The following STIL variants were observed in gnomAD, a reference collection of about 807,000 sequenced individuals.
STIL encodes STIL centriolar assembly protein, also known as SCL-interrupting locus protein.
Under a neutral mutation model 110.1 loss-of-function variants are expected in STIL, and 55 were observed. The observed-to-expected ratio is 0.50, with a 90% confidence interval of 0.40 to 0.63. The LOEUF is 0.63. Ranked by LOEUF, STIL falls within the 20% of genes least tolerant of loss-of-function variation. STIL has a pLI of 0.00. For synonymous variants in STIL, 481 were observed against 530.0 expected (o/e 0.91, Z 1.27); for missense variants, 1,358 against 1,530.0 (o/e 0.89, Z 1.87).
intron 11 of STIL, 129 bp downstream of exon 11, chr1:47,282,216 A>C: frequency 6.0e-6 from 4 of 669,246 alleles, no homozygotes; most frequent in Non-Finnish European, 5.4e-6. Context: ...ATATAACCAT[A>C]GAGATAGAAA....
At chr1:47,262,837 G>T in intron 15 of STIL, 66 bp downstream of exon 15, 1 of 1,471,606 alleles carries the variant, frequency 6.8e-7, no homozygotes, top group Non-Finnish European at 9.5e-7. Flanking sequence ...CCTAGGAAAA[G>T]CTTAACTAGT....
chr1:47,282,277 G>T, intron 11 of STIL, 68 bp downstream of exon 11: 1 of 925,368 alleles, frequency 1.1e-6, no homozygotes, highest in Non-Finnish European at 1.8e-6. Context: ...GTATTATTTA[G>T]TGTTTTAACC....
intron 12 of STIL, among the ~76,000 whole-genome samples, chr1:47,278,851 A>C (rs189188356): frequency 4.9e-4 from 75 of 152,206 alleles, no homozygotes; most frequent in Non-Finnish European, 8.5e-4. Context: ...AATTTCAAAG[A>C]ATTTACCTAG....
intron 7 of STIL, among the ~76,000 whole-genome samples, chr1:47,294,749 G>C (rs1645593824): frequency 6.6e-6 from 1 of 152,148 alleles, no homozygotes; most frequent in Admixed American, 6.5e-5. Flanking sequence ...ACTCTAAAGA[G>C]AAGGCCATTA....
At chr1:47,276,741 C>T (rs1032969855) in intron 12 of STIL, among the ~76,000 whole-genome samples, 1 of 135,868 alleles carries the variant, frequency 7.4e-6, no homozygotes, top group African/African-American at 2.8e-5. Context: ...CCCCGGGGGG[C>T]AGATAGAGGT....
chr1:47,271,196 AT>A (rs1644825644), intron 13 of STIL, among the ~76,000 whole-genome samples: 2 of 152,120 alleles, frequency 1.3e-5, no homozygotes, highest in Admixed American at 1.3e-4. Flanking sequence ...ACCCTAAATC[AT>A]CTTTTGTACC....
chr1:47,251,833 T>C lies in STIL; in HGVS notation c.3170A>G (p.Asn1057Ser), dbSNP rs143956189. The C allele has an allele frequency of 1.4e-4, 228 of 1,609,228 alleles. No homozygotes were observed. The East Asian group carries it at 2.4e-3, about 17-fold the overall frequency. Reference sequence around the variant, plus strand: ...TGCCTCCATGCTCAAATCCACACCATTGGGGCTTAAGCCGCTCATGCCAAC... The same window carrying C: ...TGCCTCCATGCTCAAATCCACACCACTGGGGCTTAAGCCGCTCATGCCAAC... ...ANVGMSGLSP[N>S]GVDLSMEANA... The change falls in exon 17 of 17, where the codon AAT (asparagine) becomes AGT (serine). Residue 1057 changes from asparagine to serine, a missense_variant. Coordinates refer to ENST00000371877, the MANE Select transcript of STIL (RefSeq NM_001048166.1).
chr1:47,297,718 G>T (rs1408381122), intron 6 of STIL, among the ~76,000 whole-genome samples: 1 of 152,000 alleles, frequency 6.6e-6, no homozygotes, highest in Admixed American at 6.6e-5. Context: ...CTCCCAAGCA[G>T]CTGGGATTAC....
rs146214531 is a variant in STIL at position 47,287,489 on chromosome 1, C to A, written c.1133+62G>T. 6.4e-6 allele frequency: 7 copies of A among 1,097,400 alleles called. No homozygotes were observed. The Admixed American group carries it at 1.4e-4, about 22-fold the overall frequency. The allele number at this position is 1,097,400 out of a possible 1,614,324, so 68.0% of individuals were successfully genotyped here. A position where few individuals can be genotyped will look rare whatever the true frequency, so the allele number is the denominator to read the frequency against. ...AGAAATAATTTAGTTATTTTACTCA[C>A]CAAAAACTAATAAATATAATTTTTA... On this transcript the variant is annotated intron_variant, in intron 10 of 16. Transcript: ENST00000371877.
At chr1:47,281,753 T>C (rs955797180) in intron 11 of STIL, among the ~76,000 whole-genome samples, 13 of 152,302 alleles carry the variant, frequency 8.5e-5, no homozygotes, top group Middle Eastern at 3.4e-3. Flanking sequence ...TGTGATGAAT[T>C]TGGTTATAAT....
intron 7 of STIL, among the ~76,000 whole-genome samples, chr1:47,294,423 T>C (rs1485542819): frequency 2.0e-5 from 3 of 152,260 alleles, no homozygotes; most frequent in Non-Finnish European, 2.9e-5. Context: ...TGAATGAATA[T>C]AAATTTCTAA....
rs1045195933 is a variant in STIL, at chr1:47,300,162, C to T, written c.454-10G>A. 3.7e-6 allele frequency: 6 copies of T among 1,611,066 alleles called. No homozygotes were observed. Among genetic ancestry groups the T allele is most frequent in the East Asian group, 2.2e-5 (1 of 44,804 alleles). Reference sequence around the variant, plus strand: ...TATGGCACTGTAGAGCCTGAGAAATCAATATTAAATAATTATTTTAAAACT... The same window carrying T: ...TATGGCACTGTAGAGCCTGAGAAATTAATATTAAATAATTATTTTAAAACT... On this transcript the variant is annotated splice_polypyrimidine_tract_variant and intron_variant, in intron 5 of 16. Transcript: ENST00000371877.
intron 13 of STIL, among the ~76,000 whole-genome samples, chr1:47,270,245 TATATATATATACAC>T (rs1644788035): frequency 1.2e-5 from 1 of 85,646 alleles, no homozygotes; most frequent in African/African-American, 5.1e-5. Flanking sequence ...AAAAAAAATA[TATATATATATACAC>T]ACACACACAC....
At chr1:47,313,445 C>T (rs1410803610) in intron 1 of STIL, among the ~76,000 whole-genome samples, 1 of 152,080 alleles carries the variant, frequency 6.6e-6, no homozygotes, top group Non-Finnish European at 1.5e-5. Context: ...CCCATCCACT[C>T]ATCCTACATT....
At chr1:47,271,953 AC>A (rs1477784773) in intron 13 of STIL, 122 bp downstream of exon 13, 1 of 969,756 alleles carries the variant, frequency 1.0e-6, no homozygotes, top group Admixed American at 2.2e-5. Flanking sequence ...CTTAAGTCAT[AC>A]TCTCATCACC....
At chr1:47,265,783 CAAAA>C (rs1179019596) in intron 14 of STIL, among the ~76,000 whole-genome samples, 2 of 65,604 alleles carry the variant, frequency 3.0e-5, no homozygotes, top group Non-Finnish European at 5.3e-5. Context: ...AAGACTGTCT[CAAAA>C]AAAAAAAAAA....
chr1:47,303,503 T>A (rs972929328), intron 3 of STIL, among the ~76,000 whole-genome samples: 1 of 152,144 alleles, frequency 6.6e-6, no homozygotes, highest in African/African-American at 2.4e-5. Flanking sequence ...AGGCGGAGGT[T>A]GCAGTGAGCC....
In STIL at chr1:47,260,531, TACTTGACCCTG is replaced by T; in HGVS notation, c.2830-3_2837del. 1.2e-6 allele frequency: 2 copies of T among 1,614,188 alleles called. No homozygotes were observed. The highest frequency in any genetic ancestry group is 1.7e-6 in the Non-Finnish European group (2 of 1,180,038). ...TGGAGGAACTATTTAATAGGTGGTT[TACTTGACCCTG>T]ACAAAAAGAAAAAAAATTTTTTTGA... On this transcript the variant is annotated splice_acceptor_variant and splice_polypyrimidine_tract_variant and coding_sequence_variant and intron_variant, in exon 16 of 17. Transcript: ENST00000371877. LOFTEE classifies it high-confidence loss of function.
Position 47,287,542 on chromosome 1 carries a change from A to G in STIL, c.1133+9T>C, listed in dbSNP as rs1300121139. The G allele has an allele frequency of 1.9e-6, 3 of 1,583,274 alleles. No homozygotes were observed. The highest frequency in any genetic ancestry group is 2.6e-6 in the Non-Finnish European group (3 of 1,156,748). The stretch of plus-strand genomic sequence containing the variant: ...AAAACACACACATAATAACAAAAAG[A>G]TCTTTTACCTCTTAATTGAAAAATT... On this transcript the variant is annotated intron_variant, in intron 10 of 16. Coordinates refer to ENST00000371877, the MANE Select transcript of STIL (RefSeq NM_001048166.1).
Sources: gnomAD v4.1 joint callset for allele counts (sites outside exome capture counted in the v4.1 genomes callset) on GRCh38, gnomAD v4.1.1 for gene constraint, MANE v1.5 for transcripts, NCBI Gene and HGNC (gene_info 2026-07-23, HGNC 2026-07-21) for gene names.